The following NRXN3 variants were observed in gnomAD, a reference collection of about 807,000 sequenced individuals.
The protein encoded by NRXN3 is neurexin 3, also known as neurexin III.
In NRXN3, 32 loss-of-function variants were observed where a neutral mutation model predicts 137.6. The ratio of observed to expected loss-of-function variants is 0.23; its 90% CI spans 0.18 to 0.31. The LOEUF (loss-of-function observed/expected upper bound fraction) is 0.31. Among genes scored for constraint, NRXN3 ranks in the 10% least tolerant of loss-of-function variants. NRXN3 has a pLI of 1.00. For synonymous variants in NRXN3, 798 were observed against 784.5 expected, an observed-to-expected ratio of 1.02 and a Z score of -0.29; for missense variants, 1,574 against 2,062.5, an observed-to-expected ratio of 0.76 and a Z score of 4.59.
intron 17 of NRXN3, among the ~76,000 whole-genome samples, chr14:79,678,387 G>T (rs2098652040): frequency 6.6e-6 from 1 of 152,128 alleles, no homozygotes; most frequent in Admixed American, 6.5e-5. Flanking sequence ...AATCTCTGTG[G>T]TAGAAACTGA....
intron 4 of NRXN3, among the ~76,000 whole-genome samples, chr14:78,605,396 A>G (rs556941818): frequency 1.3e-5 from 2 of 152,344 alleles, no homozygotes; most frequent in South Asian, 4.1e-4. Flanking sequence ...AAGGAGGAGA[A>G]AGAAATTCTA....
intron 6 of NRXN3, among the ~76,000 whole-genome samples, chr14:78,670,011 G>GC (rs2097920107): frequency 6.7e-6 from 1 of 150,186 alleles, no homozygotes; most frequent in South Asian, 2.1e-4. Flanking sequence ...CCCTCCCCTA[G>GC]CCCCCCACCC....
At chr14:79,781,558 T>C (rs571821761) in intron 19 of NRXN3, among the ~76,000 whole-genome samples, 13 of 152,298 alleles carry the variant, frequency 8.5e-5, no homozygotes, top group African/African-American at 2.9e-4. Flanking sequence ...TCCAGCCCTC[T>C]GAGCTACTGT....
chr14:79,857,315 A>T (rs561035254), intron 20 of NRXN3, among the ~76,000 whole-genome samples: 119 of 152,152 alleles, frequency 7.8e-4, no homozygotes, highest in Non-Finnish European at 1.6e-3. Flanking sequence ...TCTGCCTCCC[A>T]GGTTCACGCC....
intron 16 of NRXN3, among the ~76,000 whole-genome samples, chr14:79,618,211 T>C (rs907355173): frequency 6.6e-6 from 1 of 152,050 alleles, no homozygotes; most frequent in African/African-American, 2.4e-5. Flanking sequence ...TTAATGCTTA[T>C]TTAAGACTCC....
chr14:78,441,029 G>T (rs2094227261), intron 4 of NRXN3, among the ~76,000 whole-genome samples: 1 of 152,060 alleles, frequency 6.6e-6, no homozygotes. Context: ...TGTCTGTCTT[G>T]AACCTCCTGT....
chr14:78,548,686 G>A (rs1413833269), intron 4 of NRXN3, among the ~76,000 whole-genome samples: 3 of 152,096 alleles, frequency 2.0e-5, no homozygotes, highest in Non-Finnish European at 2.9e-5. Flanking sequence ...CCCTGCACAC[G>A]TTTTGCACAT....
At chr14:79,633,560 A>G (rs956931655) in intron 16 of NRXN3, among the ~76,000 whole-genome samples, 1 of 148,042 alleles carries the variant, frequency 6.8e-6, no homozygotes, top group Non-Finnish European at 1.5e-5. Flanking sequence ...TAAGTGCTCA[A>G]TAAATATTTA....
chr14:79,712,494 T>C (rs770293906), intron 19 of NRXN3, among the ~76,000 whole-genome samples: 1 of 152,248 alleles, frequency 6.6e-6, no homozygotes, highest in African/African-American at 2.4e-5. Context: ...CTGCATAGAA[T>C]GTGCCAGACA....
chr14:78,698,110 T>C (rs1270164040), intron 6 of NRXN3: 2 of 152,070 alleles, frequency 1.3e-5, no homozygotes, highest in Non-Finnish European at 2.9e-5. Flanking sequence ...GTTGCCCCTA[T>C]ACGCAGTCAT....
intron 15 of NRXN3, among the ~76,000 whole-genome samples, chr14:79,229,673 T>G (rs370096737): frequency 6.6e-6 from 1 of 152,068 alleles, no homozygotes; most frequent in Admixed American, 6.6e-5. Context: ...GGAAGATGAA[T>G]TACCCCAGGA....
intron 16 of NRXN3, among the ~76,000 whole-genome samples, chr14:79,483,759 G>A: frequency 6.6e-6 from 1 of 151,956 alleles, no homozygotes; most frequent in East Asian, 1.9e-4. Flanking sequence ...TTCACACAGT[G>A]GGAAATGATG....
intron 15 of NRXN3, among the ~76,000 whole-genome samples, chr14:79,078,460 T>A (rs908959286): frequency 1.1e-4 from 16 of 152,322 alleles, no homozygotes; most frequent in South Asian, 1.0e-3. Context: ...TTGCTCTGCA[T>A]ACATTCCAGA....
intron 16 of NRXN3, among the ~76,000 whole-genome samples, chr14:79,534,270 G>A (rs949622513): frequency 6.6e-6 from 1 of 152,174 alleles, no homozygotes; most frequent in African/African-American, 2.4e-5. Context: ...GGCCAAGACT[G>A]GGACATGATA....
intron 2 of NRXN3, among the ~76,000 whole-genome samples, chr14:78,264,432 A>G (rs954884899): frequency 3.3e-5 from 5 of 152,208 alleles, no homozygotes; most frequent in Non-Finnish European, 7.3e-5. Flanking sequence ...ACAAATAAGC[A>G]GGACCAAAAA....
At chr14:79,509,912 A>C (rs1048273642) in intron 16 of NRXN3, among the ~76,000 whole-genome samples, 3 of 152,192 alleles carry the variant, frequency 2.0e-5, no homozygotes, top group African/African-American at 7.2e-5. Flanking sequence ...CCTCCAAAAA[A>C]GAAATAAAAG....
intron 19 of NRXN3, among the ~76,000 whole-genome samples, chr14:79,782,728 A>G (rs753450281): frequency 7.2e-5 from 11 of 152,198 alleles, no homozygotes; most frequent in Non-Finnish European, 1.3e-4. Flanking sequence ...GATCTAACTT[A>G]TATGAGTTGA....
At chr14:79,344,588 A>G (rs1450971348) in intron 15 of NRXN3, among the ~76,000 whole-genome samples, 1 of 152,218 alleles carries the variant, frequency 6.6e-6, no homozygotes, top group African/African-American at 2.4e-5. Flanking sequence ...CCATGGTTAT[A>G]GATCTGAAAC....
chr14:79,115,325 C>A (rs369679492), intron 15 of NRXN3, among the ~76,000 whole-genome samples: 158 of 131,096 alleles, frequency 1.2e-3, no homozygotes, highest in Admixed American at 1.9e-3. Context: ...AACTCTGTCT[C>A]AAAAAAAAAA....
Sources: gnomAD v4.1 joint callset for allele counts (sites outside exome capture counted in the v4.1 genomes callset) on GRCh38, gnomAD v4.1.1 for gene constraint, MANE v1.5 for transcripts, NCBI Gene and HGNC (gene_info 2026-07-23, HGNC 2026-07-21) for gene names.